Variants in AP1S2 observed in about 807,000 individuals in gnomAD.
AP1S2 encodes AP-1 complex subunit sigma-2.
AP1S2 carries 1 observed loss-of-function variant against 14.3 expected under a neutral mutation model. The observed-to-expected ratio is 0.07, with a 90% CI of 0.02 to 0.33. AP1S2 has a LOEUF of 0.33. Among genes scored for constraint, AP1S2 ranks in the 10% least tolerant of loss-of-function variants. AP1S2 has a pLI of 0.99. For synonymous variants in AP1S2, 30 were observed against 40.5 expected, an observed-to-expected ratio of 0.74 and a Z score of 0.99; for missense variants, 30 against 117.7, an observed-to-expected ratio of 0.25 and a Z score of 3.45.
At chrX:15,839,187 T>C (rs1391430881) in intron 4 of AP1S2, among the ~76,000 whole-genome samples, 2 of 112,092 alleles carry the variant, frequency 1.8e-5, no homozygotes, top group African/African-American at 6.5e-5. Context: ...CCTGATTAAG[T>C]TTACCTATAA....
Position 15,854,615 on chromosome X carries a change from G to A in AP1S2, c.-1+73C>T, listed in dbSNP as rs1934283199. ...GGGTCGTCGGGGCGCGCGCGGGGTG[G>A]CGGGGGGCGCGCCCAGTCCTCCCTC... is the stretch of plus-strand genomic sequence containing the variant. On this transcript the variant is annotated intron_variant, in intron 1 of 5. Coordinates refer to ENST00000672987, the MANE Select transcript of AP1S2 (RefSeq NM_001272071.2). 6.5e-6 allele frequency: 3 copies of A among 460,019 alleles called. No individual in the cohort carries two copies. The African/African-American group carries it at 8.2e-5, about 13-fold the overall frequency. The allele number at this position is 460,019 out of a possible 1,213,427, so 37.9% of individuals were successfully genotyped here. A position where few individuals can be genotyped will look rare whatever the true frequency, so the allele number is the denominator to read the frequency against.
Position 15,827,334 on chromosome X carries a change from T to C in AP1S2, c.474A>G (p.Gly158=). 8.3e-7 allele frequency: 1 copy of C among 1,208,535 alleles called. No homozygotes were observed. The change falls in exon 6 of 6, where the codon GGA becomes GGG. Residue 158 remains glycine (G), a synonymous_variant. Transcript: ENST00000672987. ...CAACAAGGGAGGAGAGTTATGTCAG[T>C]CCAATTTCTTCAAGAACACTACGTG... is the stretch of plus-strand genomic sequence containing the variant. The part of the protein sequence containing the change: ...ETPRSVLEEI[G]LT
At chrX:15,830,352 C>T (rs1175599186) in intron 4 of AP1S2, 6 of 753,234 alleles carry the variant, frequency 8.0e-6, no homozygotes, top group Non-Finnish European at 9.4e-6. Context: ...TGATTGATAG[C>T]ACATCCAGGT....
intron 4 of AP1S2, among the ~76,000 whole-genome samples, chrX:15,839,930 T>G (rs1313225788): frequency 2.7e-5 from 3 of 112,100 alleles, no homozygotes; most frequent in Non-Finnish European, 3.8e-5. Flanking sequence ...GAAATCACTT[T>G]TCTCCTAAGA....
chrX:15,834,453 T>TATATATATATATATATATAA, intron 4 of AP1S2, among the ~76,000 whole-genome samples: 1 of 29,268 alleles, frequency 3.4e-5, no homozygotes, highest in Non-Finnish European at 5.7e-5. Flanking sequence ...TATATATATA[T>TATATATATATATATATATAA]ATATATATAT....
chrX:15,842,439 G>T (rs759869005), intron 4 of AP1S2, among the ~76,000 whole-genome samples: 2 of 111,300 alleles, frequency 1.8e-5, no homozygotes, highest in Admixed American at 1.9e-4. Flanking sequence ...ATTCAGAATG[G>T]ACCACCACCT....
rs1241377680 is a variant in AP1S2, at chrX:15,826,763, T to C, written c.*562A>G. 1 of 80,411 alleles carries C rather than the reference T, an allele frequency of 1.2e-5. No homozygotes were observed. Among genetic ancestry groups the C allele is most frequent in the East Asian group, 4.6e-4 (1 of 2,175 alleles). The allele number at this position is 80,411 out of a possible 1,213,427, so 6.6% of individuals were successfully genotyped here. On this transcript the variant is annotated 3_prime_UTR_variant, in exon 6 of 6. Transcript: ENST00000672987. ...ACTCCAATTTAGTCATTAAAAATAA[T>C]CTGTAGTCCTTTAAAAAAAAAAAAA...
intron 4 of AP1S2, among the ~76,000 whole-genome samples, chrX:15,842,536 G>A (rs1356034715): frequency 8.9e-6 from 1 of 112,265 alleles, no homozygotes; most frequent in Non-Finnish European, 1.9e-5. Flanking sequence ...ACTCAGTTTC[G>A]TTTGTGTACA....
intron 4 of AP1S2, among the ~76,000 whole-genome samples, chrX:15,835,070 G>T (rs1353205289): frequency 9.0e-6 from 1 of 111,707 alleles, no homozygotes; most frequent in Non-Finnish European, 1.9e-5. Flanking sequence ...GATAAAATAG[G>T]AATTATCTGC....
chrX:15,848,607 G>C (rs997006172), intron 2 of AP1S2, among the ~76,000 whole-genome samples: 3 of 111,868 alleles, frequency 2.7e-5, no homozygotes, highest in Admixed American at 1.9e-4. Flanking sequence ...GGACCAAATG[G>C]TTTTAAAAAA....
rs917303852 is a variant in AP1S2, at chrX:15,827,171, TA to T, written c.*153del. ...CACTTAATTAACTAAAGTTCCCTTT[TA>T]AAAAAAAATTGTGTAGGCATGAATG... On this transcript the variant is annotated 3_prime_UTR_variant, in exon 6 of 6. Transcript: ENST00000672987. 4.3e-4 allele frequency: 227 copies of T among 531,646 alleles called. No individual in the cohort carries two copies. Among genetic ancestry groups the T allele is most frequent in the Admixed American group, 6.3e-4 (23 of 36,226 alleles). 43.8% of individuals were successfully genotyped at this position (531,646 alleles called of 1,213,427 possible). A position where few individuals can be genotyped will look rare whatever the true frequency, so the allele number is the denominator to read the frequency against.
chrX:15,830,285 G>A, intron 4 of AP1S2: 1 of 750,077 alleles, frequency 1.3e-6, no homozygotes, highest in South Asian at 6.8e-5. Context: ...AAAAAAAATA[G>A]AAATGAAAGA....
At chrX:15,845,782 T>C (rs1933982117) in intron 3 of AP1S2, 121 bp downstream of exon 3, 2 of 676,845 alleles carry the variant, frequency 3.0e-6, no homozygotes, top group Non-Finnish European at 4.7e-6. Flanking sequence ...TACTAATAAA[T>C]AGTCATTCCC....
chrX:15,828,209 G>T lies in AP1S2; in HGVS notation c.427-9C>A, dbSNP rs1057520872. 1.8e-6 allele frequency: 2 copies of T among 1,105,214 alleles called. No homozygotes were observed. Among genetic ancestry groups the T allele is most frequent in the Middle Eastern group, 4.8e-4 (2 of 4,133 alleles). The allele number at this position is 1,105,214 out of a possible 1,213,427, so 91.1% of individuals were successfully genotyped here. A position where few individuals can be genotyped will look rare whatever the true frequency, so the allele number is the denominator to read the frequency against. On this transcript the variant is annotated splice_polypyrimidine_tract_variant and intron_variant, in intron 4 of 5. Coordinates refer to ENST00000672987, the MANE Select transcript of AP1S2 (RefSeq NM_001272071.2). ...AAACTTACTTTCGCATCCTAATCAT[G>T]GTACAGCACAAAGCAAGGAGAAGAG...
At chrX:15,828,845 T>G (rs1429048642) in intron 4 of AP1S2, among the ~76,000 whole-genome samples, 3 of 110,692 alleles carry the variant, frequency 2.7e-5, no homozygotes, top group Non-Finnish European at 5.7e-5. Context: ...CGCACATCAA[T>G]CAGATACAAT....
intron 2 of AP1S2, among the ~76,000 whole-genome samples, chrX:15,849,292 C>T (rs1292369931): frequency 8.9e-6 from 1 of 112,483 alleles, no homozygotes; most frequent in African/African-American, 3.2e-5. Flanking sequence ...ACAAAAACAA[C>T]AAAAATCACT....
chrX:15,850,403 G>C (rs1354096437), intron 2 of AP1S2, among the ~76,000 whole-genome samples: 1 of 110,862 alleles, frequency 9.0e-6, no homozygotes, highest in African/African-American at 3.3e-5. Flanking sequence ...CTAGGCTGGA[G>C]TGCAGTGGCC....
At chrX:15,854,274 C>A (rs181039537) in intron 1 of AP1S2, among the ~76,000 whole-genome samples, 2 of 111,807 alleles carry the variant, frequency 1.8e-5, no homozygotes, top group Non-Finnish European at 3.8e-5. Flanking sequence ...TGCCTCCCCC[C>A]CACTCCCGTG....
intron 5 of AP1S2, 81 bp downstream of exon 5, chrX:15,828,111 C>T (rs994113307): frequency 3.5e-5 from 28 of 806,164 alleles, no homozygotes; most frequent in Admixed American, 7.2e-5. Context: ...TTACTAGCAA[C>T]GAATTTTGTA....
Sources: allele counts gnomAD v4.1 joint callset (sites outside exome capture counted in the v4.1 genomes callset), GRCh38; gene constraint gnomAD v4.1.1; transcripts MANE v1.5; gene names NCBI Gene and HGNC (gene_info 2026-07-23, HGNC 2026-07-21).